The following SLC2A9 variants were observed in gnomAD, a reference collection of about 807,000 sequenced individuals.
SLC2A9 encodes solute carrier family 2, facilitated glucose transporter member 9.
A neutral mutation model predicts 50.6 loss-of-function variants in SLC2A9; 39 were observed. The ratio of observed to expected loss-of-function variants is 0.77; its 90% CI spans 0.60 to 1.01. The LOEUF (loss-of-function observed/expected upper bound fraction) is 1.01. Ranked by LOEUF, SLC2A9 falls within the 50% of genes least tolerant of loss-of-function variation. SLC2A9 has a pLI of 0.00. For missense variants in SLC2A9, 686 were observed against 677.6 expected, an observed-to-expected ratio of 1.01 and a Z score of -0.14; for synonymous variants, 324 against 276.9, an observed-to-expected ratio of 1.17 and a Z score of -1.69.
chr4:10,032,726 C>T (rs529138236), intron 1 of SLC2A9, among the ~76,000 whole-genome samples: 2 of 152,322 alleles, frequency 1.3e-5, no homozygotes, highest in African/African-American at 4.8e-5. Flanking sequence ...TGTGTAGCTA[C>T]TGTCATTACC....
downstream of SLC2A9, among the ~76,000 whole-genome samples, chr4:9,777,191 G>A (rs114688202): frequency 3.9e-3 from 589 of 152,076 alleles, 1 homozygote; most frequent in South Asian, 9.8e-3. Context: ...TTCTGTCCCC[G>A]GGCCCTAGAA....
In SLC2A9 at chr4:9,846,160, A is replaced by G. The variant is rs137914012; in HGVS notation, c.1292-11152T>C. On this transcript the variant is annotated intron_variant, in intron 10 of 11. Transcript: ENST00000264784. ...CTCCGAATCCAAGAGATCCGGACCCAGGTAAGAGACTCTCTCCTCTGCCCT... is the reference window on the plus strand; with the variant it reads ...CTCCGAATCCAAGAGATCCGGACCCGGGTAAGAGACTCTCTCCTCTGCCCT... Among the ~76,000 whole-genome samples the G allele has an allele frequency of 4.8e-3, 730 of 152,358 alleles. 7 individuals carry two copies. Among genetic ancestry groups the G allele is most frequent in the African/African-American group, 0.016 (663 of 41,596 alleles).
chr4:9,771,493 A>G (rs1444753962), intron 1 of SLC2A9: 1 of 398,742 alleles, frequency 2.5e-6, no homozygotes, highest in South Asian at 1.3e-4. Flanking sequence ...CAACTGCCAA[A>G]GAGTCTGGGA....
chr4:9,858,221 CA>C (rs1183524816), intron 10 of SLC2A9, among the ~76,000 whole-genome samples: 1 of 152,094 alleles, frequency 6.6e-6, no homozygotes, highest in Non-Finnish European at 1.5e-5. Flanking sequence ...TACAGAGGTT[CA>C]AATATGAAGT....
intron 3 of SLC2A9, among the ~76,000 whole-genome samples, chr4:9,996,357 TC>T (rs1159220570): frequency 6.6e-6 from 1 of 152,186 alleles, no homozygotes; most frequent in Non-Finnish European, 1.5e-5. Flanking sequence ...AACACCCAGA[TC>T]AATTCCCCTC....
chr4:9,790,617 T>A (rs544959015), intron 3 of SLC2A9, among the ~76,000 whole-genome samples: 3 of 152,274 alleles, frequency 2.0e-5, no homozygotes, highest in African/African-American at 7.2e-5. Flanking sequence ...GGGGGATGTG[T>A]GAATGTTCTA....
intron 2 of SLC2A9, among the ~76,000 whole-genome samples, chr4:10,002,501 C>G (rs987233629): frequency 6.6e-6 from 1 of 152,178 alleles, no homozygotes; most frequent in African/African-American, 2.4e-5. Flanking sequence ...AACTCTTGAA[C>G]TTATGATTAA....
chr4:9,920,044 T>C (rs1298768579), intron 7 of SLC2A9, among the ~76,000 whole-genome samples: 6 of 152,176 alleles, frequency 3.9e-5, no homozygotes, highest in Non-Finnish European at 7.3e-5. Context: ...ATCATCTGAA[T>C]GTCTCTCACT....
downstream of SLC2A9, among the ~76,000 whole-genome samples, chr4:9,798,377 C>T (rs1161426391): frequency 6.6e-6 from 1 of 152,240 alleles, no homozygotes; most frequent in African/African-American, 2.4e-5. Flanking sequence ...TGTGTGGTCA[C>T]TGTATTCCAA....
At position 9,920,578 on chromosome 4, in the gene SLC2A9, A is replaced by G; in HGVS notation, c.815-6T>C. On this transcript the variant is annotated splice_region_variant and splice_polypyrimidine_tract_variant and intron_variant, in intron 6 of 11. Transcript: ENST00000264784. ...ACCCAAGAACGTTTGGAAGGCTGCA[A>G]ACAGAGGCACACATGGACTTTCAGC... The G allele has an allele frequency of 6.2e-7, 1 of 1,614,098 alleles. No homozygotes were observed. Among genetic ancestry groups the G allele is most frequent in the Non-Finnish European group, 8.5e-7 (1 of 1,180,034 alleles).
At chr4:9,893,163 T>C (rs1737845325) in intron 8 of SLC2A9, among the ~76,000 whole-genome samples, 2 of 152,110 alleles carry the variant, frequency 1.3e-5, no homozygotes, top group Admixed American at 6.6e-5. Flanking sequence ...CAGCCCAGTG[T>C]CTCACCTGGT....
intron 3 of SLC2A9, among the ~76,000 whole-genome samples, chr4:9,785,672 A>C (rs1719125959): frequency 6.6e-6 from 1 of 152,256 alleles, no homozygotes. Flanking sequence ...CTCACCATTC[A>C]TTATAGTTAG....
intron 10 of SLC2A9, among the ~76,000 whole-genome samples, chr4:9,882,633 C>G (rs1371184408): frequency 6.7e-6 from 1 of 148,974 alleles, no homozygotes; most frequent in Non-Finnish European, 1.5e-5. Context: ...GGCGTGAACC[C>G]GGGAGGCGGA....
At chr4:9,930,873 CA>C (rs1745774402) in intron 6 of SLC2A9, among the ~76,000 whole-genome samples, 1 of 152,132 alleles carries the variant, frequency 6.6e-6, no homozygotes, top group Admixed American at 6.5e-5. Flanking sequence ...ACCTGTCAAT[CA>C]TATTGTGGAA....
rs59081583 is a variant in SLC2A9, at chr4:9,886,424, C to CTGTG, written c.1291+1139_1291+1142dup. On this transcript the variant is annotated intron_variant, in intron 10 of 11. Transcript: ENST00000264784. ...AGCCGTTCTGACCACCCTCATAGCA[C>CTGTG]TGTGTGTGTGTGTGTGTGTGTGTGT... Among the ~76,000 whole-genome samples the CTGTG allele has an allele frequency of 5.1e-3, 688 of 135,664 alleles. 6 individuals carry two copies. The highest frequency in any genetic ancestry group is 0.028 in the East Asian group (127 of 4,462). The allele number at this position is 135,664 out of a possible 152,430, so 89.0% of individuals were successfully genotyped here. A position where few individuals can be genotyped will look rare whatever the true frequency, so the allele number is the denominator to read the frequency against.
rs35698968 is a variant in SLC2A9 at position 10,038,506 on chromosome 4, C to CAAAA, written c.-41+1620_-41+1623dup. Among the ~76,000 whole-genome samples the CAAAA allele has an allele frequency of 1.2e-4, 6 of 49,422 alleles. 1 individual carries two copies. Among genetic ancestry groups the CAAAA allele is most frequent in the Non-Finnish European group, 1.8e-4 (5 of 28,270 alleles). 32.4% of individuals were successfully genotyped at this position (49,422 alleles called of 152,430 possible). A position where few individuals can be genotyped will look rare whatever the true frequency, so the allele number is the denominator to read the frequency against. ...TGGGTGACAGAGTAAGACTCTGTCT[C>CAAAA]AAAAAAAAAAAAAAAAAAAAAAAAA... On this transcript the variant is annotated intron_variant, in intron 1 of 12. Transcript: ENST00000309065.
intron 10 of SLC2A9, among the ~76,000 whole-genome samples, chr4:9,882,400 T>C (rs971146197): frequency 6.6e-5 from 10 of 152,154 alleles, no homozygotes; most frequent in African/African-American, 2.4e-4. Flanking sequence ...AATCTAGCAT[T>C]TGCCTCTTAG....
intron 10 of SLC2A9, among the ~76,000 whole-genome samples, chr4:9,843,525 T>C (rs1044615405): frequency 8.6e-5 from 13 of 151,970 alleles, no homozygotes; most frequent in African/African-American, 2.9e-4. Flanking sequence ...TCTGATACTA[T>C]AGTTTGGAGC....
At chr4:9,967,839 T>C (rs555763224) in intron 5 of SLC2A9, among the ~76,000 whole-genome samples, 230 of 152,076 alleles carry the variant, frequency 1.5e-3, no homozygotes, top group African/African-American at 5.4e-3. Context: ...ACAAAAGTTA[T>C]AAGCATGCCA....
Sources: allele counts gnomAD v4.1 joint callset (sites outside exome capture counted in the v4.1 genomes callset), GRCh38; gene constraint gnomAD v4.1.1; transcripts MANE v1.5; gene names NCBI Gene and HGNC (gene_info 2026-07-23, HGNC 2026-07-21).